PHLPP2: variants seen among roughly 807,000 people sequenced by gnomAD.
PHLPP2 encodes the protein PH domain leucine-rich repeat-containing protein phosphatase 2.
A neutral mutation model predicts 124.9 loss-of-function variants in PHLPP2; 66 were observed. That is an observed-to-expected ratio of 0.53 (90% CI 0.43 to 0.65). The LOEUF (loss-of-function observed/expected upper bound fraction) is 0.65. PHLPP2 is among the 30% of genes least tolerant of loss of function. The pLI is 0.00. For missense variants in PHLPP2, 1,685 were observed against 1,600.4 expected, an observed-to-expected ratio of 1.05 and a Z score of -0.90; for synonymous variants, 681 against 624.7, an observed-to-expected ratio of 1.09 and a Z score of -1.34.
At position 71,714,704 on chromosome 16, in the gene PHLPP2, C is replaced by T; in HGVS notation, c.92G>A (p.Gly31Asp). The T allele has an allele frequency of 6.2e-7, 1 of 1,613,980 alleles. No individual in the cohort carries two copies. Residue 31 changes from glycine (G) to aspartate (D), a missense_variant, in exon 2 of 19, where the codon GGC (glycine) becomes GAC (aspartate). By Grantham distance (94) the Gly-to-Asp change is moderately conservative. Coordinates refer to ENST00000568954, the MANE Select transcript of PHLPP2 (RefSeq NM_015020.3). Reference sequence around the variant, plus strand: ...GTCTGCTCCATAAAGGTAAACACAGCCTCTCTTTACATCTTCTCTTAGCCA... The same window carrying T: ...GTCTGCTCCATAAAGGTAAACACAGTCTCTCTTTACATCTTCTCTTAGCCA... ...RDWLREDVKR[G>D]CVYLYGADTT...
intron 2 of PHLPP2, among the ~76,000 whole-genome samples, chr16:71,706,664 A>T (rs1210864375): frequency 6.6e-6 from 1 of 152,204 alleles, no homozygotes; most frequent in Admixed American, 6.5e-5. Context: ...ATGTTTAATT[A>T]TTACAAAACT....
At chr16:71,692,921 T>C (rs2045129821) in intron 3 of PHLPP2, among the ~76,000 whole-genome samples, 2 of 152,130 alleles carry the variant, frequency 1.3e-5, no homozygotes, top group South Asian at 4.1e-4. Context: ...TTCTCCCAGA[T>C]CTATATTCCT....
chr16:71,701,235 A>G (rs2045229389), intron 3 of PHLPP2, among the ~76,000 whole-genome samples: 1 of 152,156 alleles, frequency 6.6e-6, no homozygotes. Context: ...TTTTGAGGCA[A>G]TTTGTTACAG....
At chr16:71,675,014 T>C (rs75714916) in intron 9 of PHLPP2, among the ~76,000 whole-genome samples, 3 of 152,214 alleles carry the variant, frequency 2.0e-5, no homozygotes, top group South Asian at 2.1e-4. Flanking sequence ...TACTTTTTCA[T>C]GCTCACAAAA....
chr16:71,708,926 C>G (rs1460580742), intron 2 of PHLPP2, among the ~76,000 whole-genome samples: 1 of 152,082 alleles, frequency 6.6e-6, no homozygotes, highest in Non-Finnish European at 1.5e-5. Flanking sequence ...CTGTGAATAG[C>G]CACAGTACTC....
intron 3 of PHLPP2, among the ~76,000 whole-genome samples, chr16:71,693,917 G>A (rs1162627706): frequency 2.0e-5 from 3 of 152,146 alleles, no homozygotes; most frequent in African/African-American, 7.2e-5. Context: ...ATCTGGCCAG[G>A]TGTAGTGGCT....
intron 17 of PHLPP2, among the ~76,000 whole-genome samples, chr16:71,654,204 G>GAAA (rs765826548): frequency 5.5e-4 from 40 of 72,348 alleles, no homozygotes; most frequent in African/African-American, 6.7e-4. Flanking sequence ...TCTCAAAAAA[G>GAAA]AAAAAAAAAA....
rs142204578 is a variant in PHLPP2, at chr16:71,658,702, G to A, written c.2099C>T (p.Ser700Phe). ...TTCTGGGAAAATGCTGATGTTGTTGGAGTGTGCAACAAGGGTGTGCAGCCT... is the reference window on the plus strand; with the variant it reads ...TTCTGGGAAAATGCTGATGTTGTTGAAGTGTGCAACAAGGGTGTGCAGCCT... Reference protein sequence around the residue: ...CKRLHTLVAHSNNISIFPEIL... With the variant: ...CKRLHTLVAHFNNISIFPEIL... The change falls in exon 14 of 19, where the codon TCC becomes TTC. Residue 700 changes from serine (S) to phenylalanine (F), a missense_variant. Transcript: ENST00000568954. 27 of 1,614,018 alleles carry A rather than the reference G, an allele frequency of 1.7e-5. No homozygotes were observed. Among genetic ancestry groups the A allele is most frequent in the Non-Finnish European group, 2.2e-5 (26 of 1,180,010 alleles).
intron 11 of PHLPP2, among the ~76,000 whole-genome samples, chr16:71,667,997 T>G (rs1350371615): frequency 6.6e-6 from 1 of 152,188 alleles, no homozygotes; most frequent in African/African-American, 2.4e-5. Context: ...TCCCACCACT[T>G]AGAAAAATCC....
intron 17 of PHLPP2, among the ~76,000 whole-genome samples, chr16:71,654,175 ACAGAG>A (rs1296548874): frequency 1.4e-5 from 2 of 147,574 alleles, no homozygotes; most frequent in African/African-American, 5.0e-5. Flanking sequence ...AGCCTGGGGG[ACAGAG>A]CAAGAAGACT....
rs551193903 is a variant in PHLPP2, at chr16:71,649,426, C to T, written c.3436G>A (p.Gly1146Ser). The T allele has an allele frequency of 1.4e-5, 23 of 1,613,954 alleles. No homozygotes were observed. The highest frequency in any genetic ancestry group is 2.2e-5 in the East Asian group (1 of 44,894). The change falls in exon 19 of 19, where the codon GGC becomes AGC. Residue 1146 changes from glycine (G) to serine (S), a missense_variant. Gly to Ser is a moderately conservative substitution (Grantham distance 56). Transcript: ENST00000568954. ...GGCTGGTCATCATCACTGTCCAGGCCGTTGTCAGACTGGTTACTGGAGAAG... is the reference window on the plus strand; with the variant it reads ...GGCTGGTCATCATCACTGTCCAGGCTGTTGTCAGACTGGTTACTGGAGAAG... ...ATFSSNQSDN[G>S]LDSDDDQPVE...
chr16:71,673,564 G>A (rs188391478), intron 9 of PHLPP2, among the ~76,000 whole-genome samples: 2 of 152,214 alleles, frequency 1.3e-5, no homozygotes, highest in Non-Finnish European at 2.9e-5. Context: ...TTTTGTAAAC[G>A]GAGTAGCAGA....
intron 1 of PHLPP2, chr16:71,723,945 T>G (rs1597023745): frequency 9.5e-6 from 4 of 423,258 alleles, no homozygotes; most frequent in Non-Finnish European, 1.3e-5. Flanking sequence ...GAGCAACCGG[T>G]GGCCCCGCCC....
chr16:71,702,514 C>T (rs1246849961), intron 3 of PHLPP2, 84 bp downstream of exon 3: 3 of 1,149,490 alleles, frequency 2.6e-6, no homozygotes, highest in East Asian at 2.4e-5. Flanking sequence ...TGATAAAATA[C>T]CTTTAAAAAG....
chr16:71,715,121 G>A, intron 1 of PHLPP2: 1 of 301,580 alleles, frequency 3.3e-6, no homozygotes, highest in Non-Finnish European at 6.2e-6. Flanking sequence ...GGGGGCCAAG[G>A]TAAGAGGACT....
At chr16:71,705,106 C>G (rs1327714091) in intron 2 of PHLPP2, among the ~76,000 whole-genome samples, 1 of 152,170 alleles carries the variant, frequency 6.6e-6, no homozygotes, top group Non-Finnish European at 1.5e-5. Flanking sequence ...AACTGCCTCT[C>G]AGAACTGTTC....
rs1012560433 is a variant in PHLPP2 at position 71,672,263 on chromosome 16, G to A, written c.1531C>T (p.Arg511Ter). Residue 511 changes from arginine to a stop codon, truncating the protein, a stop_gained and splice_region_variant, in exon 10 of 19, where the codon CGA becomes TGA. Coordinates refer to ENST00000568954, the MANE Select transcript of PHLPP2 (RefSeq NM_015020.3). LOFTEE classifies it high-confidence loss of function. ...PSLLTFLDLS[R>*]NLLECVPDWA... ...GCCACCCTCATGAAAGACACTCACC[G>A]GGAGAGATCCAAGAAAGTGAGCAGG... The A allele has an allele frequency of 5.0e-6, 8 of 1,610,824 alleles. No individual in the cohort carries two copies. Among genetic ancestry groups the A allele is most frequent in the East Asian group, 2.2e-5 (1 of 44,848 alleles).
At chr16:71,711,615 C>T (rs7203216) in intron 2 of PHLPP2, among the ~76,000 whole-genome samples, 83,693 of 151,990 alleles carry the variant, frequency 0.55, 24,045 homozygotes, top group African/African-American at 0.7. Context: ...ATGGGGACAG[C>T]GTCTACCTCA....
chr16:71,664,389 T>C (rs2044820571), intron 12 of PHLPP2, among the ~76,000 whole-genome samples: 1 of 152,210 alleles, frequency 6.6e-6, no homozygotes. Flanking sequence ...TCAAACTGCC[T>C]ACTGAAAGGA....
Sources: allele counts gnomAD v4.1 joint callset (sites outside exome capture counted in the v4.1 genomes callset), GRCh38; gene constraint gnomAD v4.1.1; transcripts MANE v1.5; gene names NCBI Gene and HGNC (gene_info 2026-07-23, HGNC 2026-07-21).